Variants in TTLL12 observed in about 807,000 individuals in gnomAD.
TTLL12 encodes the protein tubulin tyrosine ligase like 12.
A neutral mutation model predicts 79.6 loss-of-function variants in TTLL12; 77 were observed. The ratio of observed to expected loss-of-function variants is 0.97; its 90% CI spans 0.81 to 1.17. The LOEUF is 1.17. Ranked by LOEUF, TTLL12 falls within the 50% of genes most tolerant of loss-of-function variation. The pLI, the probability that TTLL12 is intolerant of heterozygous loss-of-function variation, is 0.00. For synonymous variants in TTLL12, 437 were observed against 376.1 expected (o/e 1.16, Z -1.87); for missense variants, 969 against 895.9 (o/e 1.08, Z -1.04).
Position 43,167,817 on chromosome 22 carries a change from C to T in TTLL12, c.*191G>A. 1.6e-6 allele frequency: 1 copy of T among 639,964 alleles called. No homozygotes were observed. Among genetic ancestry groups the T allele is most frequent in the Non-Finnish European group, 2.6e-6 (1 of 378,542 alleles). The allele number at this position is 639,964 out of a possible 1,614,324, so 39.6% of individuals were successfully genotyped here. A position where few individuals can be genotyped will look rare whatever the true frequency, so the allele number is the denominator to read the frequency against. ...GACACCATCACTGTCCTGCTCTGACCCACAGGTGAGAGGAGGATGCTGTGC... is the reference window on the plus strand; with the variant it reads ...GACACCATCACTGTCCTGCTCTGACTCACAGGTGAGAGGAGGATGCTGTGC... On this transcript the variant is annotated 3_prime_UTR_variant, in exon 14 of 14. Coordinates refer to ENST00000216129, the MANE Select transcript of TTLL12 (RefSeq NM_015140.4).
chr22:43,186,920 G>A lies in TTLL12; in HGVS notation c.150C>T (p.Gly50=), dbSNP rs1352168750. The stretch of plus-strand genomic sequence containing the variant: ...CGTGCTCCAGCTTGTGCAGGAGGCG[G>A]CCCCAGTAACGTTCGGGGACCCCCG... ...RASGVPERYW[G]RLLHKLEHEV... is the part of the protein sequence containing the mutation. Residue 50 remains glycine, a synonymous_variant, in exon 1 of 14, where the codon GGC becomes GGT. Transcript: ENST00000216129. 1 of 1,359,080 alleles carries A rather than the reference G, an allele frequency of 7.4e-7. No individual in the cohort carries two copies. The highest frequency in any genetic ancestry group is 3.2e-5 in the Admixed American group (1 of 30,852). The allele number at this position is 1,359,080 out of a possible 1,614,324, so 84.2% of individuals were successfully genotyped here.
intron 8 of TTLL12, among the ~76,000 whole-genome samples, 174 bp downstream of exon 8, chr22:43,174,035 C>A (rs1931834381): frequency 1.3e-5 from 2 of 152,098 alleles, no homozygotes; most frequent in African/African-American, 2.4e-5. Flanking sequence ...ACAGCCCCAG[C>A]AAAAACCTGG....
intron 5 of TTLL12, among the ~76,000 whole-genome samples, chr22:43,179,337 T>A (rs565350649): frequency 1.3e-5 from 2 of 152,128 alleles, no homozygotes; most frequent in Admixed American, 1.3e-4. Context: ...CAAGACCAAC[T>A]GCACAGCCCC....
chr22:43,176,985 C>A (rs567355829), intron 5 of TTLL12, among the ~76,000 whole-genome samples: 1 of 152,150 alleles, frequency 6.6e-6, no homozygotes, highest in Non-Finnish European at 1.5e-5. Context: ...TCGCAGGGGG[C>A]GAGAAGGTGC....
chr22:43,169,946 C>T (rs555293465), intron 11 of TTLL12: 11 of 453,058 alleles, frequency 2.4e-5, no homozygotes, highest in African/African-American at 8.0e-5. Context: ...CAGTACAGTG[C>T]GAAGGAGGCA....
intron 13 of TTLL12, among the ~76,000 whole-genome samples, 169 bp from the exon 14 acceptor site, chr22:43,168,328 G>A (rs555617579): frequency 6.6e-6 from 1 of 152,312 alleles, no homozygotes; most frequent in South Asian, 2.1e-4. Context: ...GACTTTGCTG[G>A]GGAGGCCTGG....
At chr22:43,178,323 ATTTT>A (rs34712260) in intron 5 of TTLL12, among the ~76,000 whole-genome samples, 1 of 125,384 alleles carries the variant, frequency 8.0e-6, no homozygotes. Flanking sequence ...CGCCCGCTCT[ATTTT>A]TTTTTTTTTT....
chr22:43,167,110 C>T lies in TTLL12; in HGVS notation c.*898G>A. The T allele has an allele frequency of 2.0e-6, 1 of 500,032 alleles. No individual in the cohort carries two copies. Among genetic ancestry groups the T allele is most frequent in the Admixed American group, 2.1e-5 (1 of 47,048 alleles). The allele number at this position is 500,032 out of a possible 1,614,324, so 31.0% of individuals were successfully genotyped here. ...AAAGCCAACATTTTGACTGTAGACC[C>T]TGGTAGGTGGCATCTGACTTTAACC... On this transcript the variant is annotated 3_prime_UTR_variant, in exon 14 of 14. Transcript: ENST00000216129.
intron 11 of TTLL12, chr22:43,170,215 A>G (rs1041235387): frequency 2.9e-5 from 9 of 313,814 alleles, no homozygotes; most frequent in African/African-American, 2.0e-4. Flanking sequence ...CCCCCACAGT[A>G]CAGAAGGGAG....
intron 4 of TTLL12, 32 bp downstream of exon 4, chr22:43,179,809 C>T (rs1932007743): frequency 1.9e-6 from 3 of 1,555,486 alleles, no homozygotes; most frequent in Non-Finnish European, 1.7e-6. Flanking sequence ...GGCTGAGGCC[C>T]CTCCTCCAGG....
At chr22:43,176,051 C>T (rs1425188884) in intron 6 of TTLL12, among the ~76,000 whole-genome samples, 2 of 151,096 alleles carry the variant, frequency 1.3e-5, no homozygotes, top group Non-Finnish European at 3.0e-5. Context: ...TGCCACTGCA[C>T]TCCAGCCTGG....
intron 1 of TTLL12, among the ~76,000 whole-genome samples, chr22:43,186,296 G>A (rs1932184416): frequency 1.3e-5 from 2 of 152,078 alleles, no homozygotes; most frequent in South Asian, 4.1e-4. Context: ...GCTTTGGAGT[G>A]GAGGAGGCAG....
At chr22:43,184,093 T>C (rs1465841990) in intron 1 of TTLL12, among the ~76,000 whole-genome samples, 3 of 152,238 alleles carry the variant, frequency 2.0e-5, no homozygotes, top group Non-Finnish European at 2.9e-5. Flanking sequence ...AGACTGTTTC[T>C]TCACTTGTGA....
At chr22:43,172,226 C>T (rs776934481) in intron 10 of TTLL12, among the ~76,000 whole-genome samples, 177 bp downstream of exon 10, 6 of 152,234 alleles carry the variant, frequency 3.9e-5, no homozygotes, top group African/African-American at 7.2e-5. Context: ...GTGGGCAGGG[C>T]AAGTCACCGC....
At position 43,169,811 on chromosome 22, in the gene TTLL12, T is replaced by A. The variant is rs1029037371; in HGVS notation, c.1576-243A>T. ...TGAGCCTGTTTCCTCCTCTGTGAAA[T>A]GGGAAAATGTGCTCTGCCCAGTAAA... On this transcript the variant is annotated intron_variant, in intron 11 of 13. Transcript: ENST00000216129. The A allele has an allele frequency of 5.0e-6, 3 of 594,276 alleles. No homozygotes were observed. The African/African-American group carries it at 5.5e-5, about 11-fold the overall frequency. The allele number at this position is 594,276 out of a possible 1,614,324, so 36.8% of individuals were successfully genotyped here.
Position 43,185,880 on chromosome 22 carries a change from G to A in TTLL12, c.177+1013C>T, listed in dbSNP as rs976492344. The A allele has an allele frequency of 3.6e-6, 3 of 840,870 alleles. No individual in the cohort carries two copies. In the African/African-American group the frequency reaches 5.5e-5, roughly 15 times the overall value. The allele number at this position is 840,870 out of a possible 1,614,324, so 52.1% of individuals were successfully genotyped here. On this transcript the variant is annotated intron_variant, in intron 1 of 13. Coordinates refer to ENST00000216129, the MANE Select transcript of TTLL12 (RefSeq NM_015140.4). Reference sequence around the variant, plus strand: ...CACCCAGCACAGGCCTGGGACCAGAGTGGTCCTCGGAAAGCATATGGCAGA... The same window carrying A: ...CACCCAGCACAGGCCTGGGACCAGAATGGTCCTCGGAAAGCATATGGCAGA...
intron 6 of TTLL12, 24 bp from the exon 7 acceptor site, chr22:43,174,639 T>C (rs766812669): frequency 9.1e-6 from 14 of 1,541,672 alleles, no homozygotes; most frequent in Non-Finnish European, 3.5e-6. Context: ...CCGAGCTGGG[T>C]GATCCCGGCT....
At chr22:43,177,185 T>C (rs868834566) in intron 5 of TTLL12, among the ~76,000 whole-genome samples, 2 of 151,812 alleles carry the variant, frequency 1.3e-5, no homozygotes, top group African/African-American at 2.4e-5. Flanking sequence ...CTGGGCAACA[T>C]AGTGAGACCC....
intron 1 of TTLL12, among the ~76,000 whole-genome samples, chr22:43,184,364 T>C (rs1255018112): frequency 6.6e-6 from 1 of 152,206 alleles, no homozygotes; most frequent in Non-Finnish European, 1.5e-5. Flanking sequence ...CTGAGTAAGG[T>C]CTAGGCCACC....
Sources: allele counts gnomAD v4.1 joint callset (sites outside exome capture counted in the v4.1 genomes callset), GRCh38; gene constraint gnomAD v4.1.1; transcripts MANE v1.5; gene names NCBI Gene and HGNC (gene_info 2026-07-23, HGNC 2026-07-21).